SSBP2: variants seen among roughly 807,000 people sequenced by gnomAD.
The protein encoded by SSBP2 is single-stranded DNA-binding protein 2.
In SSBP2, 17 loss-of-function variants were observed where a neutral mutation model predicts 61.8. The observed-to-expected ratio is 0.28, with a 90% CI of 0.19 to 0.41. SSBP2 has a LOEUF of 0.41. SSBP2 is among the 10% of genes least tolerant of loss of function. The pLI is 1.00. For synonymous variants in SSBP2, 139 were observed against 141.3 expected, an observed-to-expected ratio of 0.98 and a Z score of 0.12; for missense variants, 310 against 458.7, an observed-to-expected ratio of 0.68 and a Z score of 2.96.
At chr5:81,622,696 C>G (rs934783728) in intron 3 of SSBP2, among the ~76,000 whole-genome samples, 3 of 152,174 alleles carry the variant, frequency 2.0e-5, no homozygotes, top group Non-Finnish European at 4.4e-5. Flanking sequence ...TAAGGGCACA[C>G]ACGATGAGGA....
rs1411385804 is a variant in SSBP2 at position 81,715,104 on chromosome 5, A to C, written c.62+35877T>G. 3.9e-5 allele frequency among the ~76,000 whole-genome samples: 6 copies of C among 152,224 alleles called. No homozygotes were observed. In the East Asian group the frequency reaches 1.2e-3, roughly 29 times the overall value. On this transcript the variant is annotated intron_variant, in intron 1 of 16. Coordinates refer to ENST00000320672, the MANE Select transcript of SSBP2 (RefSeq NM_012446.5). ...GGCAATCCATATTCCTACTACATCA[A>C]AGAAAATGGGGATTCTAAAACACAC...
At chr5:81,659,223 A>G (rs1750481449) in intron 1 of SSBP2, among the ~76,000 whole-genome samples, 3 of 152,182 alleles carry the variant, frequency 2.0e-5, no homozygotes, top group African/African-American at 7.2e-5. Flanking sequence ...AGGAAGTCAA[A>G]TTGTCTCTGT....
At chr5:81,535,290 T>G (rs1177036081) in intron 4 of SSBP2, among the ~76,000 whole-genome samples, 1 of 152,058 alleles carries the variant, frequency 6.6e-6, no homozygotes, top group Non-Finnish European at 1.5e-5. Context: ...ACTAAATAAA[T>G]GGAGAGATAT....
intron 3 of SSBP2, among the ~76,000 whole-genome samples, chr5:81,636,056 T>C (rs1748196967): frequency 6.6e-6 from 1 of 152,148 alleles, no homozygotes; most frequent in South Asian, 2.1e-4. Flanking sequence ...TCCTTAGGTT[T>C]AGATGAGATC....
At chr5:81,596,092 A>T (rs960929150) in intron 4 of SSBP2, among the ~76,000 whole-genome samples, 16 of 152,192 alleles carry the variant, frequency 1.1e-4, no homozygotes, top group Middle Eastern at 3.4e-3. Context: ...GAAAACCCCA[A>T]CGTCTCAGCC....
At chr5:81,509,886 G>A (rs1228643457) in intron 5 of SSBP2, among the ~76,000 whole-genome samples, 2 of 152,038 alleles carry the variant, frequency 1.3e-5, no homozygotes, top group Non-Finnish European at 2.9e-5. Flanking sequence ...GTTAATTAAG[G>A]CCTATCAAAC....
intron 8 of SSBP2, among the ~76,000 whole-genome samples, chr5:81,469,161 T>C (rs1765085219): frequency 6.6e-6 from 1 of 151,960 alleles, no homozygotes; most frequent in South Asian, 2.1e-4. Context: ...TGAATCTCTG[T>C]TGCCACTGCC....
chr5:81,737,769 C>A (rs1318002510), intron 1 of SSBP2, among the ~76,000 whole-genome samples: 1 of 133,532 alleles, frequency 7.5e-6, no homozygotes, highest in African/African-American at 2.8e-5. Context: ...GCCTGGGCAA[C>A]AGAGTGAGAC....
Position 81,442,644 on chromosome 5 carries a change from C to A in SSBP2, c.849+9G>T. 6.7e-7 allele frequency: 1 copy of A among 1,502,032 alleles called. No homozygotes were observed. Among genetic ancestry groups the A allele is most frequent in the South Asian group, 1.2e-5 (1 of 82,432 alleles). The allele number at this position is 1,502,032 out of a possible 1,614,324, so 93.0% of individuals were successfully genotyped here. A position where few individuals can be genotyped will look rare whatever the true frequency, so the allele number is the denominator to read the frequency against. ...ATACATTCCAAAAATAAAAAAAGTT[C>A]ATATTTACATTAGGTCTGTTAGGTC... is the stretch of plus-strand genomic sequence containing the variant. On this transcript the variant is annotated intron_variant, in intron 13 of 16. Transcript: ENST00000320672.
At chr5:81,593,208 A>G (rs989674578) in intron 4 of SSBP2, among the ~76,000 whole-genome samples, 4 of 152,252 alleles carry the variant, frequency 2.6e-5, no homozygotes, top group African/African-American at 9.6e-5. Flanking sequence ...AAGCCTCAGT[A>G]GCCGATGCCA....
Position 81,513,690 on chromosome 5 carries a change from G to C in SSBP2, c.310C>G (p.Leu104Val), listed in dbSNP as rs796987893. 2 of 1,612,728 alleles carry C rather than the reference G, an allele frequency of 1.2e-6. No individual in the cohort carries two copies. The highest frequency in any genetic ancestry group is 1.7e-6 in the Non-Finnish European group (2 of 1,178,996). Residue 104 changes from leucine to valine, a missense_variant, in exon 5 of 17, where the codon CTA becomes GTA. By Grantham distance (32) the Leu-to-Val change is conservative. Coordinates refer to ENST00000320672, the MANE Select transcript of SSBP2 (RefSeq NM_012446.5). ...CCATCTCCTGGGGGAATGTTTCCTA[G>C]CACTGGACTGGGAGCTGCTGCAGCA...
At chr5:81,494,340 T>C (rs1038393097) in intron 5 of SSBP2, among the ~76,000 whole-genome samples, 1 of 152,246 alleles carries the variant, frequency 6.6e-6, no homozygotes, top group South Asian at 2.1e-4. Flanking sequence ...ACTACATTTA[T>C]AGGTATAAAT....
At chr5:81,605,529 G>T (rs1744794854) in intron 4 of SSBP2, among the ~76,000 whole-genome samples, 1 of 151,908 alleles carries the variant, frequency 6.6e-6, no homozygotes. Context: ...CCAGACAGGG[G>T]CTAAAAACCC....
chr5:81,600,708 AG>A (rs1477499557), intron 4 of SSBP2, among the ~76,000 whole-genome samples: 15 of 152,118 alleles, frequency 9.9e-5, no homozygotes, highest in African/African-American at 3.1e-4. Context: ...AAAAAAAGGA[AG>A]GAGAAGCCAG....
chr5:81,422,098 C>T (rs1331893742), intron 16 of SSBP2, among the ~76,000 whole-genome samples: 1 of 152,082 alleles, frequency 6.6e-6, no homozygotes, highest in East Asian at 1.9e-4. Flanking sequence ...TTTCAACATG[C>T]TAATAACAAT....
chr5:81,624,883 A>G (rs1746980494), intron 3 of SSBP2, among the ~76,000 whole-genome samples: 1 of 152,186 alleles, frequency 6.6e-6, no homozygotes, highest in Non-Finnish European at 1.5e-5. Context: ...TATGCATTAA[A>G]TACCACGTCT....
intron 8 of SSBP2, among the ~76,000 whole-genome samples, chr5:81,469,379 T>TG (rs982255370): frequency 1.1e-4 from 16 of 151,318 alleles, no homozygotes; most frequent in African/African-American, 3.9e-4. Flanking sequence ...CTGCTAACTC[T>TG]TTTTTTTTCT....
intron 7 of SSBP2, 97 bp downstream of exon 7, chr5:81,474,399 A>C: frequency 2.9e-6 from 3 of 1,039,298 alleles, no homozygotes; most frequent in Non-Finnish European, 4.4e-6. Flanking sequence ...GTATAACTAT[A>C]GGAGATTTAC....
intron 4 of SSBP2, among the ~76,000 whole-genome samples, chr5:81,543,175 T>G (rs530145460): frequency 3.9e-5 from 6 of 152,262 alleles, no homozygotes; most frequent in African/African-American, 7.2e-5. Context: ...TACTCTCTCC[T>G]ACAGCCTTGT....
Sources: gnomAD v4.1 joint callset for allele counts (sites outside exome capture counted in the v4.1 genomes callset) on GRCh38, gnomAD v4.1.1 for gene constraint, MANE v1.5 for transcripts, NCBI Gene and HGNC (gene_info 2026-07-23, HGNC 2026-07-21) for gene names.